The following PREX1 variants were observed in gnomAD, a reference collection of about 807,000 sequenced individuals.
The protein encoded by PREX1 is phosphatidylinositol 3,4,5-trisphosphate-dependent Rac exchanger 1 protein.
A neutral mutation model predicts 198.3 loss-of-function variants in PREX1; 41 were observed. The ratio of observed to expected loss-of-function variants is 0.21; its 90% CI spans 0.16 to 0.27. The LOEUF (loss-of-function observed/expected upper bound fraction) is 0.27. Among genes scored for constraint, PREX1 ranks in the 10% least tolerant of loss-of-function variants. The probability of loss-of-function intolerance (pLI) is 1.00; values close to 1 mark genes in which losing one functional copy is unlikely to be tolerated. For synonymous variants in PREX1, 843 were observed against 887.2 expected, an observed-to-expected ratio of 0.95 and a Z score of 0.89; for missense variants, 1,620 against 2,200.7, an observed-to-expected ratio of 0.74 and a Z score of 5.28.
chr20:48,708,337 T>G lies in PREX1; in HGVS notation c.706A>C (p.Asn236His), dbSNP rs1341800633. The change falls in exon 6 of 40, where the codon AAC becomes CAC. Residue 236 changes from asparagine (N) to histidine (H), a missense_variant. Asn to His is a moderately conservative substitution (Grantham distance 68). Transcript: ENST00000371941. ...ALQAMKTVCS[N>H]INETKRQMEK... ...ATCTGCCGCTTGGTCTCATTGATGT[T>G]GGAGCAAACGGTCTTCATGGCCTGC... 6.2e-7 allele frequency: 1 copy of G among 1,613,992 alleles called. No homozygotes were observed. Among genetic ancestry groups the G allele is most frequent in the Admixed American group, 1.7e-5 (1 of 59,998 alleles).
At chr20:48,824,838 C>T (rs2090501738) in intron 1 of PREX1, among the ~76,000 whole-genome samples, 1 of 152,026 alleles carries the variant, frequency 6.6e-6, no homozygotes, top group Non-Finnish European at 1.5e-5. Flanking sequence ...CACACATGGC[C>T]CCTATCACGG....
chr20:48,847,056 G>A, the PREX1 span, among the ~76,000 whole-genome samples: 1 of 152,128 alleles, frequency 6.6e-6, no homozygotes, highest in Non-Finnish European at 1.5e-5. Flanking sequence ...GTTCAGCGGT[G>A]GGTGGAAAAT....
At chr20:48,748,203 C>A (rs1277607554) in intron 1 of PREX1, among the ~76,000 whole-genome samples, 1 of 152,186 alleles carries the variant, frequency 6.6e-6, no homozygotes, top group African/African-American at 2.4e-5. Flanking sequence ...ACACCTGCTT[C>A]CTCACCCAGG....
chr20:48,687,218 G>T (rs1223665002), intron 10 of PREX1, among the ~76,000 whole-genome samples: 1 of 152,154 alleles, frequency 6.6e-6, no homozygotes, highest in Non-Finnish European at 1.5e-5. Context: ...CCCAAGTCAA[G>T]ATTTTGCAAC....
chr20:48,869,160 C>T, the PREX1 span, among the ~76,000 whole-genome samples: 1 of 152,140 alleles, frequency 6.6e-6, no homozygotes, highest in Non-Finnish European at 1.5e-5. Context: ...CAGGTGTGAG[C>T]CACCATACCC....
At chr20:48,628,259 G>C (rs1437947589) in intron 37 of PREX1, among the ~76,000 whole-genome samples, 1 of 152,180 alleles carries the variant, frequency 6.6e-6, no homozygotes, top group Admixed American at 6.5e-5. Flanking sequence ...AGGAGGACTC[G>C]GTAAATATCT....
intron 29 of PREX1, among the ~76,000 whole-genome samples, 195 bp from the exon 30 acceptor site, chr20:48,640,089 C>A (rs1178026594): frequency 6.6e-6 from 1 of 152,208 alleles, no homozygotes; most frequent in Non-Finnish European, 1.5e-5. Flanking sequence ...CCATGGCAGG[C>A]ATTATTCATC....
chr20:48,685,803 A>G (rs2089780422), intron 10 of PREX1, among the ~76,000 whole-genome samples: 1 of 152,186 alleles, frequency 6.6e-6, no homozygotes, highest in East Asian at 1.9e-4. Flanking sequence ...AGGAGGCAGG[A>G]AGATCGCTTG....
At chr20:48,654,567 G>A (rs561699282) in intron 19 of PREX1, among the ~76,000 whole-genome samples, 1 of 152,348 alleles carries the variant, frequency 6.6e-6, no homozygotes, top group Admixed American at 6.5e-5. Flanking sequence ...CTCTGGAGAG[G>A]AGGCTAAGTT....
chr20:48,640,420 C>T (rs1168001326), intron 29 of PREX1, among the ~76,000 whole-genome samples: 1 of 152,202 alleles, frequency 6.6e-6, no homozygotes, highest in Admixed American at 6.5e-5. Flanking sequence ...GAAAAAGGCC[C>T]CTGCAAAAGA....
rs571288482 is a variant in PREX1 at position 48,792,503 on chromosome 20, C to T, written c.219+35139G>A. 1.1e-4 allele frequency among the ~76,000 whole-genome samples: 17 copies of T among 152,142 alleles called. 3 individuals carry two copies. In the South Asian group the frequency reaches 3.5e-3, roughly 32 times the overall value. The stretch of plus-strand genomic sequence containing the variant: ...AAGGAGCTAACACACATCTAGCACC[C>T]GCGCTGTCCCAGGCTCTGTTCTGAG... On this transcript the variant is annotated intron_variant, in intron 1 of 39. Transcript: ENST00000371941.
At chr20:48,709,570 C>T (rs564871335) in intron 5 of PREX1, among the ~76,000 whole-genome samples, 1 of 152,308 alleles carries the variant, frequency 6.6e-6, no homozygotes, top group Admixed American at 6.5e-5. Flanking sequence ...AAGGTGGCTT[C>T]TGTTATTAGA....
At chr20:48,675,834 C>G (rs893723308) in intron 14 of PREX1, among the ~76,000 whole-genome samples, 11 of 152,240 alleles carry the variant, frequency 7.2e-5, no homozygotes, top group African/African-American at 2.6e-4. Flanking sequence ...GTCAGGAGTT[C>G]GAGACCAGCC....
intron 1 of PREX1, among the ~76,000 whole-genome samples, chr20:48,754,501 T>A (rs957714193): frequency 2.6e-5 from 4 of 152,018 alleles, no homozygotes; most frequent in African/African-American, 7.3e-5. Context: ...CTGGGGAGGA[T>A]AAATCTCTCC....
In PREX1 at chr20:48,630,801, G is replaced by A; in HGVS notation, c.4527-7C>T. ...CCGCTCCAGGTAAAATGCCCTGCGAGAGAAAGATGGGAATGAGGCGGGGGC... is the reference window on the plus strand; with the variant it reads ...CCGCTCCAGGTAAAATGCCCTGCGAAAGAAAGATGGGAATGAGGCGGGGGC... On this transcript the variant is annotated splice_region_variant and splice_polypyrimidine_tract_variant and intron_variant, in intron 35 of 39. Transcript: ENST00000371941. 2 of 1,564,268 alleles carry A rather than the reference G, an allele frequency of 1.3e-6. No homozygotes were observed. The highest frequency in any genetic ancestry group is 8.8e-7 in the Non-Finnish European group (1 of 1,134,986).
intron 1 of PREX1, among the ~76,000 whole-genome samples, chr20:48,806,574 G>C (rs556593898): frequency 6.6e-6 from 1 of 152,182 alleles, no homozygotes; most frequent in Non-Finnish European, 1.5e-5. Flanking sequence ...AGAAGGAAGG[G>C]ATTACTATTA....
chr20:48,668,957 G>A (rs1382534947), intron 14 of PREX1, among the ~76,000 whole-genome samples: 1 of 152,098 alleles, frequency 6.6e-6, no homozygotes, highest in Non-Finnish European at 1.5e-5. Context: ...GGGTCTTGGA[G>A]CTCCTAAAGC....
intron 6 of PREX1, among the ~76,000 whole-genome samples, chr20:48,704,549 C>A (rs761140760): frequency 4.0e-5 from 6 of 150,942 alleles, no homozygotes; most frequent in Non-Finnish European, 7.4e-5. Context: ...CCTTTCCTTC[C>A]TTCCTTCCTC....
intron 1 of PREX1, among the ~76,000 whole-genome samples, chr20:48,820,468 G>C (rs1037888873): frequency 5.9e-5 from 9 of 152,230 alleles, no homozygotes; most frequent in Non-Finnish European, 4.4e-5. Context: ...AACCGCAAGA[G>C]AGGGAGCCTC....
Sources: gnomAD v4.1 joint callset for allele counts (sites outside exome capture counted in the v4.1 genomes callset) on GRCh38, gnomAD v4.1.1 for gene constraint, MANE v1.5 for transcripts, NCBI Gene and HGNC (gene_info 2026-07-23, HGNC 2026-07-21) for gene names.